CPEB2: variants seen among roughly 807,000 people sequenced by gnomAD.
CPEB2 encodes cytoplasmic polyadenylation element-binding protein 2.
Under a neutral mutation model 93.6 loss-of-function variants are expected in CPEB2, and 56 were observed. That is an observed-to-expected ratio of 0.60 (90% CI 0.48 to 0.75). The LOEUF is 0.75. CPEB2 is among the 30% of genes least tolerant of loss of function. The pLI, the probability that CPEB2 is intolerant of heterozygous loss-of-function variation, is 0.00. For synonymous variants in CPEB2, 764 were observed against 586.3 expected (o/e 1.30, Z -4.38); for missense variants, 1,579 against 1,395.1 (o/e 1.13, Z -2.10).
chr4:15,066,405 A>G lies in CPEB2; in HGVS notation c.*25A>G, dbSNP rs376965592. 20 of 1,525,700 alleles carry G rather than the reference A, an allele frequency of 1.3e-5. No homozygotes were observed. Among genetic ancestry groups the G allele is most frequent in the Non-Finnish European group, 1.8e-5 (20 of 1,117,414 alleles). 94.5% of individuals were successfully genotyped at this position (1,525,700 alleles called of 1,614,324 possible). A position where few individuals can be genotyped will look rare whatever the true frequency, so the allele number is the denominator to read the frequency against. On this transcript the variant is annotated 3_prime_UTR_variant, in exon 12 of 12. Transcript: ENST00000538197. ...AGAATAGCAAACTGGCCTCTGTTTA[A>G]CAAGGAAAGAAAGGGTGCATGTGGC...
intron 3 of CPEB2, among the ~76,000 whole-genome samples, chr4:15,011,108 T>C (rs1577367736): frequency 1.3e-5 from 2 of 149,046 alleles, no homozygotes; most frequent in East Asian, 1.9e-4. Context: ...TTTCTTTTTT[T>C]TTTTTTTTTT....
intron 4 of CPEB2, chr4:15,017,899 AAAAG>A (rs2108990304): frequency 6.6e-6 from 1 of 152,012 alleles, no homozygotes; most frequent in East Asian, 1.9e-4. Flanking sequence ...TAAAATGAAA[AAAAG>A]CAATTATTAT....
chr4:15,066,590 A>T lies in CPEB2; in HGVS notation c.*210A>T. On this transcript the variant is annotated 3_prime_UTR_variant, in exon 12 of 12. Transcript: ENST00000538197. ...TCTCAGGCTTACTAATTTTTGTGAT[A>T]TTTTCATGTTCAAATAAAATGTTTT... The T allele has an allele frequency of 1.9e-6, 1 of 526,694 alleles. No individual in the cohort carries two copies. Among genetic ancestry groups the T allele is most frequent in the Middle Eastern group, 4.8e-4 (1 of 2,080 alleles). The allele number at this position is 526,694 out of a possible 1,614,324, so 32.6% of individuals were successfully genotyped here.
At chr4:15,040,523 C>T (rs1000469063) in intron 6 of CPEB2, 36 bp downstream of exon 6, 2 of 1,521,398 alleles carry the variant, frequency 1.3e-6, no homozygotes, top group Admixed American at 3.9e-5. Context: ...ATAATTGTTT[C>T]TAATGGGGTT....
chr4:15,047,232 G>A (rs1349839207), intron 6 of CPEB2, among the ~76,000 whole-genome samples: 1 of 151,882 alleles, frequency 6.6e-6, no homozygotes, highest in Non-Finnish European at 1.5e-5. Context: ...TTGTTTGTTT[G>A]TTTTGTACGC....
chr4:15,016,159 G>A (rs1577379548), intron 3 of CPEB2, among the ~76,000 whole-genome samples: 1 of 151,856 alleles, frequency 6.6e-6, no homozygotes, highest in East Asian at 1.9e-4. Flanking sequence ...CATTTTCTGT[G>A]ACAGTCATTT....
chr4:15,055,175 T>C (rs1346766124), intron 8 of CPEB2, among the ~76,000 whole-genome samples: 1 of 152,160 alleles, frequency 6.6e-6, no homozygotes, highest in Admixed American at 6.5e-5. Context: ...ATAGTTCACA[T>C]AGTTTTTTAG....
intron 4 of CPEB2, among the ~76,000 whole-genome samples, chr4:15,027,274 TATG>T (rs1375430972): frequency 6.6e-6 from 1 of 152,200 alleles, no homozygotes; most frequent in Non-Finnish European, 1.5e-5. Context: ...CCAAAAAATT[TATG>T]ATAGGATTTT....
chr4:15,018,934 TTTTA>T lies in CPEB2; in HGVS notation c.2125+1658_2125+1661del, dbSNP rs1481322425. Among the ~76,000 whole-genome samples, 5 of 61,534 alleles carry T rather than the reference TTTTA, an allele frequency of 8.1e-5. No homozygotes were observed. In the South Asian group the frequency reaches 1.5e-3, roughly 19 times the overall value. The allele number at this position is 61,534 out of a possible 152,430, so 40.4% of individuals were successfully genotyped here. On this transcript the variant is annotated intron_variant, in intron 4 of 11. Coordinates refer to ENST00000538197, the MANE Select transcript of CPEB2 (RefSeq NM_001177382.2). ...GGAAGCATTATAAGGCTAAGGGGAA[TTTTA>T]TATATATATATATATATATATATAT...
chr4:15,011,920 A>T (rs2643090), intron 3 of CPEB2, among the ~76,000 whole-genome samples: 4 of 151,342 alleles, frequency 2.6e-5, no homozygotes, highest in Admixed American at 6.6e-5. Flanking sequence ...AGCATGTCAC[A>T]TAATAAACTA....
chr4:15,052,317 C>T (rs1728306758), intron 6 of CPEB2, 97 bp from the exon 7 acceptor site: 2 of 825,826 alleles, frequency 2.4e-6, no homozygotes, highest in South Asian at 3.7e-5. Flanking sequence ...GCATCACCTT[C>T]ATTTTTAAGT....
intron 5 of CPEB2, among the ~76,000 whole-genome samples, chr4:15,036,297 A>G (rs1474265014): frequency 1.3e-5 from 2 of 152,240 alleles, no homozygotes; most frequent in Non-Finnish European, 2.9e-5. Context: ...CGAACAGACC[A>G]TATTCCCCAA....
At chr4:15,008,830 T>C (rs1723129841) in intron 3 of CPEB2, among the ~76,000 whole-genome samples, 2 of 152,222 alleles carry the variant, frequency 1.3e-5, no homozygotes, top group African/African-American at 4.8e-5. Context: ...ATTTTTGTCA[T>C]GAAGTCTGTA....
intron 4 of CPEB2, among the ~76,000 whole-genome samples, chr4:15,019,819 ATTAG>A (rs1187067128): frequency 2.0e-5 from 3 of 152,082 alleles, no homozygotes; most frequent in Non-Finnish European, 2.9e-5. Context: ...GAGGAGAGAT[ATTAG>A]TTATCTCTCT....
In CPEB2 at chr4:15,007,632, A is replaced by G. The variant is rs755956865; in HGVS notation, c.1944+46A>G. The G allele has an allele frequency of 3.1e-6, 4 of 1,305,704 alleles. No individual in the cohort carries two copies. In the African/African-American group the frequency reaches 6.0e-5, roughly 20 times the overall value. 80.9% of individuals were successfully genotyped at this position (1,305,704 alleles called of 1,614,324 possible). A position where few individuals can be genotyped will look rare whatever the true frequency, so the allele number is the denominator to read the frequency against. ...ACCTTATCTCTAATGTTAATCTTTC[A>G]AAATAGGGAGTTGGGTGGTGGTGGT... On this transcript the variant is annotated intron_variant, in intron 2 of 11. Coordinates refer to ENST00000538197, the MANE Select transcript of CPEB2 (RefSeq NM_001177382.2).
At position 15,003,134 on chromosome 4, in the gene CPEB2, CCTGCTG is replaced by C; in HGVS notation, c.469_474del (p.Cys157_Cys158del). The C allele has an allele frequency of 6.5e-7, 1 of 1,532,888 alleles. No individual in the cohort carries two copies. The highest frequency in any genetic ancestry group is 1.2e-5 in the South Asian group (1 of 83,888). The allele number at this position is 1,532,888 out of a possible 1,614,324, so 95.0% of individuals were successfully genotyped here. ...CACCCCTCCTCCTCCTCCGCCTCCTCCTGCTGCTGCTGCCGCACCTCCTCCCCGCAG... is the reference window on the plus strand; with the variant it reads ...CACCCCTCCTCCTCCTCCGCCTCCTCCTGCTGCCGCACCTCCTCCCCGCAG... On this transcript the variant is annotated inframe_deletion, in exon 1 of 12. Coordinates refer to ENST00000538197, the MANE Select transcript of CPEB2 (RefSeq NM_001177382.2).
chr4:15,065,928 A>T (rs188843099), intron 11 of CPEB2, among the ~76,000 whole-genome samples: 2 of 148,528 alleles, frequency 1.3e-5, no homozygotes, highest in East Asian at 4.0e-4. Flanking sequence ...TGTTTCAAAG[A>T]TGTTATTCAA....
At chr4:15,019,123 C>A (rs1724532730) in intron 4 of CPEB2, among the ~76,000 whole-genome samples, 1 of 150,944 alleles carries the variant, frequency 6.6e-6, no homozygotes, top group Admixed American at 6.6e-5. Flanking sequence ...GACAAGTCTT[C>A]ATATTTACAC....
chr4:15,014,191 T>G (rs1407126909), intron 3 of CPEB2, among the ~76,000 whole-genome samples: 1 of 152,060 alleles, frequency 6.6e-6, no homozygotes, highest in Non-Finnish European at 1.5e-5. Flanking sequence ...TTTGGGTGAT[T>G]TAATAGTTAC....
Sources: allele counts gnomAD v4.1 joint callset (sites outside exome capture counted in the v4.1 genomes callset), GRCh38; gene constraint gnomAD v4.1.1; transcripts MANE v1.5; gene names NCBI Gene and HGNC (gene_info 2026-07-23, HGNC 2026-07-21).